CDH13: variants seen among roughly 807,000 people sequenced by gnomAD.
CDH13 encodes cadherin-13.
In CDH13, 24 loss-of-function variants were observed where a neutral mutation model predicts 63.8. The observed-to-expected ratio is 0.38, with a 90% confidence interval of 0.27 to 0.53. CDH13 has a LOEUF of 0.53. Ranked by LOEUF, CDH13 falls within the 20% of genes least tolerant of loss-of-function variation. The pLI, the probability that CDH13 is intolerant of heterozygous loss-of-function variation, is 0.85. For missense variants in CDH13, 1,049 were observed against 903.1 expected, an observed-to-expected ratio of 1.16 and a Z score of -2.07; for synonymous variants, 503 against 355.3, an observed-to-expected ratio of 1.42 and a Z score of -4.67.
chr16:83,663,817 C>T (rs575885917), intron 8 of CDH13, among the ~76,000 whole-genome samples: 1 of 152,256 alleles, frequency 6.6e-6, no homozygotes, highest in Non-Finnish European at 1.5e-5. Flanking sequence ...TCTGACACCA[C>T]TCCGCATCTT....
At chr16:82,868,436 T>A (rs1039297239) in intron 2 of CDH13, among the ~76,000 whole-genome samples, 3 of 152,166 alleles carry the variant, frequency 2.0e-5, no homozygotes, top group Non-Finnish European at 2.9e-5. Flanking sequence ...AATACTATAA[T>A]AAAATGACGT....
intron 3 of CDH13, among the ~76,000 whole-genome samples, chr16:83,109,281 C>T (rs1051793433): frequency 1.3e-5 from 2 of 152,040 alleles, no homozygotes; most frequent in African/African-American, 4.8e-5. Flanking sequence ...TTGGCAACCG[C>T]TCGTGAGTGC....
intron 4 of CDH13, among the ~76,000 whole-genome samples, chr16:83,151,960 G>A (rs1410441496): frequency 3.4e-5 from 5 of 146,690 alleles, no homozygotes; most frequent in East Asian, 2.0e-4. Flanking sequence ...AAAAGAAAAG[G>A]AAAAGAAAAA....
At chr16:83,634,034 A>G (rs961701542) in intron 8 of CDH13, among the ~76,000 whole-genome samples, 2 of 152,156 alleles carry the variant, frequency 1.3e-5, no homozygotes, top group Non-Finnish European at 2.9e-5. Flanking sequence ...CTGTAGTGCA[A>G]CAATACCAAG....
At chr16:83,380,836 T>G (rs189786762) in intron 6 of CDH13, among the ~76,000 whole-genome samples, 16 of 152,044 alleles carry the variant, frequency 1.1e-4, no homozygotes, top group Admixed American at 7.9e-4. Context: ...CCAAGGTTTT[T>G]TTTTTTTTTT....
chr16:83,586,002 G>A (rs1906119896), intron 7 of CDH13, among the ~76,000 whole-genome samples: 1 of 152,200 alleles, frequency 6.6e-6, no homozygotes, highest in African/African-American at 2.4e-5. Context: ...AATGAACACA[G>A]CAACCACAGC....
At chr16:83,626,309 C>T (rs1292469595) in intron 8 of CDH13, among the ~76,000 whole-genome samples, 2 of 152,168 alleles carry the variant, frequency 1.3e-5, no homozygotes, top group Non-Finnish European at 2.9e-5. Flanking sequence ...GCCATCAGGA[C>T]GTGTTGATGA....
At chr16:83,295,895 T>G (rs1219815543) in intron 5 of CDH13, among the ~76,000 whole-genome samples, 2 of 152,184 alleles carry the variant, frequency 1.3e-5, no homozygotes, top group East Asian at 3.9e-4. Flanking sequence ...GTGTTCACAA[T>G]AGCCAAGATA....
chr16:83,287,883 T>C (rs191797759), intron 5 of CDH13, among the ~76,000 whole-genome samples: 14 of 152,218 alleles, frequency 9.2e-5, no homozygotes, highest in Admixed American at 9.2e-4. Context: ...AAACTCAAAA[T>C]TAATGCATAG....
chr16:83,618,641 A>G (rs977455808), intron 8 of CDH13, among the ~76,000 whole-genome samples: 12 of 152,200 alleles, frequency 7.9e-5, no homozygotes, highest in African/African-American at 2.4e-4. Flanking sequence ...TAGTCTGCCA[A>G]GAGCCGAGAC....
At chr16:83,109,058 C>G (rs1250949699) in intron 3 of CDH13, among the ~76,000 whole-genome samples, 1 of 152,178 alleles carries the variant, frequency 6.6e-6, no homozygotes, top group African/African-American at 2.4e-5. Context: ...GGGTCTGCTC[C>G]TGGGGAGCAC....
At chr16:83,172,038 C>G (rs1015436116) in intron 4 of CDH13, among the ~76,000 whole-genome samples, 1 of 152,054 alleles carries the variant, frequency 6.6e-6, no homozygotes, top group Non-Finnish European at 1.5e-5. Flanking sequence ...TCATAATCCC[C>G]AGTAATTCAG....
At chr16:83,495,273 G>T (rs2074109069) in intron 7 of CDH13, among the ~76,000 whole-genome samples, 2 of 152,178 alleles carry the variant, frequency 1.3e-5, no homozygotes, top group East Asian at 1.9e-4. Flanking sequence ...GTCTGGAAAG[G>T]CAGGACAACT....
At chr16:83,789,894 G>A (rs1407890084) in intron 13 of CDH13, 1 of 150,986 alleles carries the variant, frequency 6.6e-6, no homozygotes, top group Non-Finnish European at 1.5e-5. Flanking sequence ...GCAGAGCTCA[G>A]TAGCTGCCAC....
At chr16:83,032,435 A>C in intron 3 of CDH13, 1 of 547,060 alleles carries the variant, frequency 1.8e-6, no homozygotes, top group Non-Finnish European at 3.3e-6. Flanking sequence ...GGATTAATTC[A>C]TGGAACTATT....
chr16:82,871,864 A>G (rs1245767640), intron 2 of CDH13, among the ~76,000 whole-genome samples: 2 of 152,172 alleles, frequency 1.3e-5, no homozygotes, highest in African/African-American at 4.8e-5. Flanking sequence ...GCCACCAGCA[A>G]TTCCAGTCTT....
intron 7 of CDH13, among the ~76,000 whole-genome samples, chr16:83,574,933 A>C (rs1018970833): frequency 1.3e-5 from 2 of 152,236 alleles, no homozygotes; most frequent in Admixed American, 6.5e-5. Context: ...TCCACAGAGA[A>C]ACCATGAACA....
chr16:83,340,013 C>T (rs2090686995), intron 5 of CDH13, among the ~76,000 whole-genome samples: 1 of 152,112 alleles, frequency 6.6e-6, no homozygotes, highest in Admixed American at 6.6e-5. Flanking sequence ...AATACAGGGC[C>T]CCCCAACACT....
At chr16:83,454,114 T>G (rs1025956496) in intron 6 of CDH13, among the ~76,000 whole-genome samples, 5 of 152,218 alleles carry the variant, frequency 3.3e-5, no homozygotes, top group African/African-American at 1.2e-4. Context: ...CACTAGGAGA[T>G]TCTCCAAAAG....
Sources: allele counts gnomAD v4.1 joint callset (sites outside exome capture counted in the v4.1 genomes callset), GRCh38; gene constraint gnomAD v4.1.1; transcripts MANE v1.5; gene names NCBI Gene and HGNC (gene_info 2026-07-23, HGNC 2026-07-21).